Variants in TAFA5 observed in about 807,000 individuals in gnomAD.
The protein encoded by TAFA5 is TAFA chemokine like family member 5, also known as chemokine-like protein TAFA-5.
TAFA5 carries 6 observed loss-of-function variants against 15.3 expected under a neutral mutation model. That is an observed-to-expected ratio of 0.39 (90% CI 0.21 to 0.77). The LOEUF is 0.77. Among genes scored for constraint, TAFA5 ranks in the 30% least tolerant of loss-of-function variants. The pLI, the probability that TAFA5 is intolerant of heterozygous loss-of-function variation, is 0.41. For synonymous variants in TAFA5, 103 were observed against 80.7 expected, an observed-to-expected ratio of 1.28 and a Z score of -1.48; for missense variants, 161 against 193.1, an observed-to-expected ratio of 0.83 and a Z score of 0.98.
intron 3 of TAFA5, among the ~76,000 whole-genome samples, chr22:48,722,618 T>C (rs1008717084): frequency 6.6e-6 from 1 of 152,190 alleles, no homozygotes; most frequent in Non-Finnish European, 1.5e-5. Flanking sequence ...GACAGGTTGA[T>C]GGGTGCAGCA....
intron 1 of TAFA5, among the ~76,000 whole-genome samples, chr22:48,618,660 G>A (rs748563362): frequency 7.9e-5 from 12 of 152,242 alleles, no homozygotes; most frequent in African/African-American, 1.2e-4. Flanking sequence ...GGGAGGTCCC[G>A]GAGGCAGTGT....
intron 1 of TAFA5, among the ~76,000 whole-genome samples, chr22:48,583,125 C>G (rs1306982988): frequency 2.7e-5 from 4 of 149,358 alleles, no homozygotes; most frequent in Admixed American, 2.7e-4. Context: ...ACACACATCA[C>G]ACGCCACACA....
chr22:48,678,890 T>TGTCCATCCCTCTCCTGTCTCCCC (rs1928065856), intron 2 of TAFA5, among the ~76,000 whole-genome samples: 1 of 73,138 alleles, frequency 1.4e-5, no homozygotes, highest in African/African-American at 4.7e-5. Context: ...CCCGGCTCCC[T>TGTCCATCCCTCTCCTGTCTCCCC]GTCCATCCCT....
intron 1 of TAFA5, among the ~76,000 whole-genome samples, chr22:48,604,607 C>T (rs566160796): frequency 6.6e-6 from 1 of 152,340 alleles, no homozygotes; most frequent in Admixed American, 6.5e-5. Flanking sequence ...GGTCCTCTTG[C>T]TTTGTTTTCG....
chr22:48,735,215 G>A (rs989820142), intron 3 of TAFA5, among the ~76,000 whole-genome samples: 2 of 152,174 alleles, frequency 1.3e-5, no homozygotes, highest in Admixed American at 6.5e-5. Flanking sequence ...CTACCAAGGA[G>A]CTGGGAGCTG....
intron 1 of TAFA5, among the ~76,000 whole-genome samples, chr22:48,520,417 G>A (rs2147106732): frequency 6.6e-6 from 1 of 152,326 alleles, no homozygotes; most frequent in Admixed American, 6.5e-5. Flanking sequence ...GAAGGCCTGG[G>A]GCCCAAGGCT....
At chr22:48,654,658 G>A (rs1241161042) in intron 2 of TAFA5, among the ~76,000 whole-genome samples, 1 of 152,216 alleles carries the variant, frequency 6.6e-6, no homozygotes, top group African/African-American at 2.4e-5. Context: ...AACAAACTTG[G>A]GTGGGGTTTT....
At chr22:48,699,121 C>CG (rs1928822368) in intron 2 of TAFA5, among the ~76,000 whole-genome samples, 1 of 151,812 alleles carries the variant, frequency 6.6e-6, no homozygotes, top group Admixed American at 6.6e-5. Context: ...TTAGTAGAGA[C>CG]GGGGTTTCAC....
At chr22:48,592,641 GCCTCCCTCCCTC>G (rs1161710737) in intron 1 of TAFA5, among the ~76,000 whole-genome samples, 2 of 151,838 alleles carry the variant, frequency 1.3e-5, no homozygotes, top group South Asian at 4.2e-4. Context: ...GGTATCTGCT[GCCTCCCTCCCTC>G]CCTCCCTCCC....
Position 48,489,698 on chromosome 22 carries a change from T to C in TAFA5, c.106T>C (p.Tyr36His). The C allele has an allele frequency of 6.7e-7, 1 of 1,500,162 alleles. No homozygotes were observed. Among genetic ancestry groups the C allele is most frequent in the Admixed American group, 2.1e-5 (1 of 47,308 alleles). The allele number at this position is 1,500,162 out of a possible 1,614,324, so 92.9% of individuals were successfully genotyped here. A position where few individuals can be genotyped will look rare whatever the true frequency, so the allele number is the denominator to read the frequency against. Residue 36 changes from tyrosine (Y) to histidine (H), a missense_variant, in exon 1 of 4, where the codon TAC becomes CAC. By Grantham distance (83) the Tyr-to-His change is moderately conservative (BLOSUM62 2). Transcript: ENST00000402357. This position sits in a 1 kb window ranked among gnomAD's most constrained non-coding sequence, Gnocchi z 5.5. ...FMILASLLIAYCSQLAAGTCE... is the reference protein window; with the variant it reads ...FMILASLLIAHCSQLAAGTCE... Reference sequence around the variant, plus strand: ...GATCCTGGCCAGCCTGCTCATCGCCTACTGCAGTGAGTACCGCGCGGCCCC... The same window carrying C: ...GATCCTGGCCAGCCTGCTCATCGCCCACTGCAGTGAGTACCGCGCGGCCCC...
At chr22:48,531,223 A>G (rs1921960846) in intron 1 of TAFA5, among the ~76,000 whole-genome samples, 1 of 152,096 alleles carries the variant, frequency 6.6e-6, no homozygotes, top group Admixed American at 6.6e-5. Flanking sequence ...TGGAGCTCAG[A>G]TGTGTGGCCG....
intron 1 of TAFA5, among the ~76,000 whole-genome samples, chr22:48,590,307 A>G (rs544401562): frequency 1.3e-5 from 2 of 152,354 alleles, no homozygotes; most frequent in African/African-American, 4.8e-5. Context: ...GCCCAGAGCA[A>G]GGGCACGCAC....
At chr22:48,582,195 CA>C (rs1924073327) in intron 1 of TAFA5, among the ~76,000 whole-genome samples, 1 of 152,002 alleles carries the variant, frequency 6.6e-6, no homozygotes, top group African/African-American at 2.4e-5. Context: ...AGAGACACAC[CA>C]CACACTACAC....
chr22:48,578,357 C>T (rs910514379), intron 1 of TAFA5, among the ~76,000 whole-genome samples: 5 of 152,190 alleles, frequency 3.3e-5, no homozygotes, highest in African/African-American at 9.6e-5. Flanking sequence ...GTGCAGGTGC[C>T]TCCGGGGGCT....
chr22:48,692,128 C>T (rs915426559), intron 2 of TAFA5, among the ~76,000 whole-genome samples: 4 of 152,210 alleles, frequency 2.6e-5, no homozygotes, highest in Middle Eastern at 3.4e-3. Context: ...GGGAAGACAC[C>T]GAGACCTGAG....
intron 1 of TAFA5, among the ~76,000 whole-genome samples, chr22:48,631,505 C>T (rs1221935986): frequency 2.0e-5 from 3 of 152,332 alleles, no homozygotes; most frequent in African/African-American, 7.2e-5. Context: ...AGCATCCTCA[C>T]GACTGCTGTG....
intron 2 of TAFA5, among the ~76,000 whole-genome samples, chr22:48,670,682 GAC>G (rs897719625): frequency 9.9e-5 from 15 of 152,264 alleles, no homozygotes; most frequent in Non-Finnish European, 2.1e-4. Context: ...GCTGGTTAAT[GAC>G]CCGGCAATTT....
At chr22:48,572,783 A>C (rs1388270018) in intron 1 of TAFA5, among the ~76,000 whole-genome samples, 1 of 152,274 alleles carries the variant, frequency 6.6e-6, no homozygotes, top group African/African-American at 2.4e-5. Flanking sequence ...TTACATACAA[A>C]GTCTAGTAGT....
chr22:48,538,734 C>G (rs927726818), intron 1 of TAFA5, among the ~76,000 whole-genome samples: 2 of 152,164 alleles, frequency 1.3e-5, no homozygotes, highest in Non-Finnish European at 2.9e-5. Context: ...ACTCAACCTC[C>G]GGAGCTCATT....
Sources: allele counts gnomAD v4.1 joint callset (sites outside exome capture counted in the v4.1 genomes callset), GRCh38; gene constraint gnomAD v4.1.1; non-coding constraint Gnocchi (gnomAD v3.1); transcripts MANE v1.5; gene names NCBI Gene and HGNC (gene_info 2026-07-23, HGNC 2026-07-21).